The following SHISA9 variants were observed in gnomAD, a reference collection of about 807,000 sequenced individuals.
SHISA9 encodes the protein protein shisa-9.
SHISA9 carries 13 observed loss-of-function variants against 38.0 expected under a neutral mutation model. The ratio of observed to expected loss-of-function variants is 0.34; its 90% confidence interval spans 0.22 to 0.54. SHISA9 has a LOEUF of 0.54. Among genes scored for constraint, SHISA9 ranks in the 20% least tolerant of loss-of-function variants. SHISA9 has a pLI of 0.91. For synonymous variants in SHISA9, 275 were observed against 242.0 expected (o/e 1.14, Z -1.27); for missense variants, 538 against 575.8 (o/e 0.93, Z 0.67).
chr16:13,170,202 C>CAAAAAAAA (rs71147788), intron 2 of SHISA9, among the ~76,000 whole-genome samples: 1 of 91,992 alleles, frequency 1.1e-5, no homozygotes, highest in Non-Finnish European at 2.2e-5. Flanking sequence ...GACTCCATCT[C>CAAAAAAAA]AAAAAAAAAA....
At chr16:13,142,079 G>GAA (rs1266416748) in intron 2 of SHISA9, among the ~76,000 whole-genome samples, 1 of 152,166 alleles carries the variant, frequency 6.6e-6, no homozygotes, top group East Asian at 1.9e-4. Context: ...CAACATTACA[G>GAA]TGTCCCCATT....
At chr16:13,508,557 A>G in the SHISA9 span, among the ~76,000 whole-genome samples, 1 of 152,208 alleles carries the variant, frequency 6.6e-6, no homozygotes, top group African/African-American at 2.4e-5. Flanking sequence ...TATACTTCCA[A>G]TAGCGTTGCC....
At chr16:13,107,924 C>T (rs188948718) in intron 2 of SHISA9, among the ~76,000 whole-genome samples, 6 of 152,234 alleles carry the variant, frequency 3.9e-5, no homozygotes, top group South Asian at 4.1e-4. Context: ...AAGCCTTACA[C>T]ATAGTAAGTC....
At chr16:13,031,699 A>G (rs559658326) in intron 2 of SHISA9, among the ~76,000 whole-genome samples, 48 of 152,274 alleles carry the variant, frequency 3.2e-4, no homozygotes, top group African/African-American at 1.1e-3. Flanking sequence ...AATAATATCT[A>G]TATCACGAGG....
the SHISA9 span, among the ~76,000 whole-genome samples, chr16:13,515,163 ATGT>A: frequency 6.6e-6 from 1 of 152,206 alleles, no homozygotes; most frequent in Admixed American, 6.5e-5. Context: ...CCCCTGCTCA[ATGT>A]TGTTGTGAAA....
intron 2 of SHISA9, among the ~76,000 whole-genome samples, chr16:13,162,368 A>G (rs1011912323): frequency 6.6e-6 from 1 of 152,212 alleles, no homozygotes; most frequent in Non-Finnish European, 1.5e-5. Flanking sequence ...AGGAGCCATT[A>G]AGGTACAAAT....
At chr16:13,356,589 G>C in the SHISA9 span, among the ~76,000 whole-genome samples, 3 of 152,226 alleles carry the variant, frequency 2.0e-5, no homozygotes, top group Non-Finnish European at 4.4e-5. Context: ...GCTGAGGAAG[G>C]ATTGGGACCT....
At chr16:12,958,314 C>T (rs575153621) in intron 2 of SHISA9, among the ~76,000 whole-genome samples, 2 of 152,308 alleles carry the variant, frequency 1.3e-5, no homozygotes, top group South Asian at 4.1e-4. Flanking sequence ...TCATTATAAA[C>T]AAAATTCTAA....
the SHISA9 span, among the ~76,000 whole-genome samples, chr16:13,249,392 G>A: frequency 6.1e-4 from 93 of 152,252 alleles, no homozygotes; most frequent in South Asian, 2.3e-3. Context: ...ATTTTCTTAC[G>A]TTTAAAATAG....
chr16:13,152,393 G>C (rs1241597423), intron 2 of SHISA9, among the ~76,000 whole-genome samples: 2 of 152,152 alleles, frequency 1.3e-5, no homozygotes, highest in Non-Finnish European at 1.5e-5. Context: ...TTATAAGCAA[G>C]AGAAACTAAC....
intron 2 of SHISA9, among the ~76,000 whole-genome samples, chr16:12,999,551 C>G (rs964399894): frequency 2.6e-5 from 4 of 152,166 alleles, no homozygotes; most frequent in African/African-American, 9.7e-5. Flanking sequence ...CTGCCAAATA[C>G]TCAGCTTTGC....
the SHISA9 span, among the ~76,000 whole-genome samples, chr16:13,467,976 C>G: frequency 6.6e-6 from 1 of 152,160 alleles, no homozygotes; most frequent in Non-Finnish European, 1.5e-5. Context: ...TGTTTTATCT[C>G]CTTTCAAAAG....
At chr16:13,413,698 C>T in the SHISA9 span, among the ~76,000 whole-genome samples, 26 of 119,686 alleles carry the variant, frequency 2.2e-4, 1 homozygote, top group South Asian at 4.9e-3. Context: ...CGAAGGTTTG[C>T]GGTGAGCTGA....
chr16:13,469,540 ATCT>A, the SHISA9 span, among the ~76,000 whole-genome samples: 27 of 152,250 alleles, frequency 1.8e-4, no homozygotes, highest in Admixed American at 1.2e-3. Context: ...CTATCATCTC[ATCT>A]TCTTCTATCC....
chr16:13,196,833 C>G (rs759533992), intron 2 of SHISA9, among the ~76,000 whole-genome samples: 1 of 152,186 alleles, frequency 6.6e-6, no homozygotes, highest in African/African-American at 2.4e-5. Flanking sequence ...GTGGCTTACG[C>G]CTGTAATCCC....
chr16:13,440,729 C>A, the SHISA9 span, among the ~76,000 whole-genome samples: 163 of 152,228 alleles, frequency 1.1e-3, 2 homozygotes, highest in East Asian at 0.029. Context: ...CGAGACCATC[C>A]TGCCCAACAT....
the SHISA9 span, among the ~76,000 whole-genome samples, chr16:13,407,070 CAAAAAAAAAAAAAAA>C: frequency 3.0e-3 from 139 of 45,636 alleles, no homozygotes; most frequent in African/African-American, 0.011. Flanking sequence ...CTCTGTCTCA[CAAAAAAAAAAAAAAA>C]AAAAAAAAAA....
the SHISA9 span, among the ~76,000 whole-genome samples, chr16:13,319,397 T>C: frequency 6.6e-6 from 1 of 152,168 alleles, no homozygotes; most frequent in African/African-American, 2.4e-5. Flanking sequence ...AGAAGACCCG[T>C]TGGAAGAACT....
chr16:13,109,027 T>A (rs2073952802), intron 2 of SHISA9, among the ~76,000 whole-genome samples: 1 of 152,182 alleles, frequency 6.6e-6, no homozygotes. Flanking sequence ...CTCTCTAGAC[T>A]CCAGAGCATT....
Sources: allele counts gnomAD v4.1 joint callset (sites outside exome capture counted in the v4.1 genomes callset), GRCh38; gene constraint gnomAD v4.1.1; transcripts MANE v1.5; gene names NCBI Gene and HGNC (gene_info 2026-07-23, HGNC 2026-07-21).